The following FRMPD3 variants were observed in gnomAD, a reference collection of about 807,000 sequenced individuals.
The protein encoded by FRMPD3 is FERM and PDZ domain-containing protein 3.
Under a neutral mutation model 97.9 loss-of-function variants are expected in FRMPD3, and 42 were observed. The ratio of observed to expected loss-of-function variants is 0.43; its 90% confidence interval spans 0.34 to 0.55. The LOEUF is 0.55. Among genes scored for constraint, FRMPD3 ranks in the 20% least tolerant of loss-of-function variants. The pLI is 0.03. For synonymous variants in FRMPD3, 577 were observed against 581.1 expected (o/e 0.99, Z 0.10); for missense variants, 1,303 against 1,457.7 (o/e 0.89, Z 1.73).
chrX:107,540,375 C>T (rs1347854930), intron 4 of FRMPD3, among the ~76,000 whole-genome samples: 3 of 111,806 alleles, frequency 2.7e-5, no homozygotes, highest in Non-Finnish European at 3.8e-5. Context: ...TTTCAGTTAC[C>T]AAAGCGGGGC....
chrX:107,461,771 AT>A (rs1931478080), intron 1 of FRMPD3, among the ~76,000 whole-genome samples: 1 of 103,205 alleles, frequency 9.7e-6, no homozygotes, highest in Admixed American at 1.1e-4. Flanking sequence ...ACATATACAT[AT>A]ACATATACAT....
chrX:107,595,177 C>T (rs766886463), intron 13 of FRMPD3, among the ~76,000 whole-genome samples: 2 of 109,899 alleles, frequency 1.8e-5, no homozygotes, highest in African/African-American at 6.6e-5. Flanking sequence ...ATTAGCTGGG[C>T]GTGGTGGCAG....
chrX:107,554,551 G>A (rs758468972), intron 8 of FRMPD3, 47 bp downstream of exon 8: 3 of 1,179,432 alleles, frequency 2.5e-6, no homozygotes, highest in South Asian at 1.9e-5. Context: ...GGACAAAGAA[G>A]CAGGCAGGCT....
intron 6 of FRMPD3, 29 bp downstream of exon 6, chrX:107,550,185 C>A (rs1273245070): frequency 1.0e-6 from 1 of 966,309 alleles, no homozygotes; most frequent in Non-Finnish European, 1.5e-6. Flanking sequence ...CCCTGGTCAG[C>A]ATTGCCCTCT....
chrX:107,594,890 A>T (rs953824414), intron 13 of FRMPD3, among the ~76,000 whole-genome samples: 2 of 112,245 alleles, frequency 1.8e-5, no homozygotes, highest in African/African-American at 3.2e-5. Flanking sequence ...TCAAAAAATA[A>T]ATTAATAAAA....
chrX:107,574,530 G>A (rs1184256308), intron 12 of FRMPD3, among the ~76,000 whole-genome samples: 2 of 112,330 alleles, frequency 1.8e-5, no homozygotes, highest in African/African-American at 3.2e-5. Context: ...TAGAAAATGT[G>A]TGTTGACCCC....
intron 1 of FRMPD3, among the ~76,000 whole-genome samples, chrX:107,521,561 T>A (rs924125186): frequency 8.9e-6 from 1 of 112,682 alleles, no homozygotes; most frequent in Non-Finnish European, 1.9e-5. Context: ...GTGCCCAAGC[T>A]CCTTACAAAA....
chrX:107,561,526 C>T (rs1362114194), intron 10 of FRMPD3, among the ~76,000 whole-genome samples: 3 of 110,566 alleles, frequency 2.7e-5, no homozygotes, highest in African/African-American at 9.9e-5. Context: ...AGGTTACTGC[C>T]TCCACTTTCT....
chrX:107,603,528 G>T lies in FRMPD3; in HGVS notation c.*155G>T. 1 of 1,050,316 alleles carries T rather than the reference G, an allele frequency of 9.5e-7. No homozygotes were observed. The highest frequency in any genetic ancestry group is 1.2e-6 in the Non-Finnish European group (1 of 807,122). The allele number at this position is 1,050,316 out of a possible 1,213,427, so 86.6% of individuals were successfully genotyped here. ...GGGGAGTGGAAACTCTCTTGATTGAGGCTCTCTCTTAAGGGCTGCAGGCTT... is the reference window on the plus strand; with the variant it reads ...GGGGAGTGGAAACTCTCTTGATTGATGCTCTCTCTTAAGGGCTGCAGGCTT... On this transcript the variant is annotated 3_prime_UTR_variant, in exon 15 of 15. Transcript: ENST00000683843.
At chrX:107,488,404 T>C (rs1246976063) in intron 1 of FRMPD3, among the ~76,000 whole-genome samples, 1 of 112,525 alleles carries the variant, frequency 8.9e-6, no homozygotes, top group Non-Finnish European at 1.9e-5. Flanking sequence ...TGGCAAAGCA[T>C]TTGGAAAGTG....
chrX:107,569,502 G>A (rs960063367), intron 12 of FRMPD3, among the ~76,000 whole-genome samples: 56 of 109,791 alleles, frequency 5.1e-4, no homozygotes, highest in African/African-American at 1.4e-3. Flanking sequence ...GAGCAGGGTT[G>A]GGAAGCTTCT....
At chrX:107,592,772 T>TA (rs1244891881) in intron 13 of FRMPD3, among the ~76,000 whole-genome samples, 1 of 108,499 alleles carries the variant, frequency 9.2e-6, no homozygotes, top group Non-Finnish European at 1.9e-5. Flanking sequence ...ATTTTTTTTT[T>TA]ATTTTTAAAT....
chrX:107,544,280 G>C (rs1166994185), intron 4 of FRMPD3, among the ~76,000 whole-genome samples: 2 of 111,342 alleles, frequency 1.8e-5, no homozygotes, highest in Admixed American at 9.6e-5. Flanking sequence ...GGATACAAAG[G>C]CTCAGTTAGA....
chrX:107,467,033 A>T (rs1931579357), intron 1 of FRMPD3, among the ~76,000 whole-genome samples: 1 of 107,200 alleles, frequency 9.3e-6, no homozygotes. Context: ...TGAGAGAGAG[A>T]GAGAGAGAAA....
chrX:107,464,152 T>A (rs1931520467), intron 1 of FRMPD3, among the ~76,000 whole-genome samples: 1 of 111,473 alleles, frequency 9.0e-6, no homozygotes, highest in Non-Finnish European at 1.9e-5. Flanking sequence ...TTTTTAACTC[T>A]CATCATCAAG....
chrX:107,524,865 C>A (rs1013244529), intron 1 of FRMPD3, among the ~76,000 whole-genome samples: 1 of 109,274 alleles, frequency 9.2e-6, no homozygotes, highest in African/African-American at 3.3e-5. Context: ...GGGCAGCACA[C>A]GCCTGTAATC....
intron 1 of FRMPD3, among the ~76,000 whole-genome samples, chrX:107,522,850 G>GA (rs761918279): frequency 4.5e-4 from 49 of 107,886 alleles, no homozygotes; most frequent in Middle Eastern, 4.7e-3. Context: ...GAAGGGGAGA[G>GA]AATGAAGGCA....
At chrX:107,469,848 T>C (rs1921013101) in intron 1 of FRMPD3, among the ~76,000 whole-genome samples, 1 of 112,335 alleles carries the variant, frequency 8.9e-6, no homozygotes, top group South Asian at 3.7e-4. Flanking sequence ...ATGAGGAGGG[T>C]ACAGTCTGGA....
At chrX:107,459,001 C>G (rs185259426) in intron 1 of FRMPD3, among the ~76,000 whole-genome samples, 1,227 of 112,239 alleles carry the variant, frequency 0.011, 18 homozygotes, top group African/African-American at 0.036. Context: ...ACTTTCTTTG[C>G]CTCATGCCCT....
Sources: allele counts gnomAD v4.1 joint callset (sites outside exome capture counted in the v4.1 genomes callset), GRCh38; gene constraint gnomAD v4.1.1; transcripts MANE v1.5; gene names NCBI Gene and HGNC (gene_info 2026-07-23, HGNC 2026-07-21).